The following GMEB2 variants were observed in gnomAD, a reference collection of about 807,000 sequenced individuals.
GMEB2 encodes glucocorticoid modulatory element-binding protein 2.
In GMEB2, 7 loss-of-function variants were observed where a neutral mutation model predicts 45.7. That is an observed-to-expected ratio of 0.15 (90% confidence interval 0.09 to 0.29). GMEB2 has a LOEUF of 0.29. Among genes scored for constraint, GMEB2 ranks in the 10% least tolerant of loss-of-function variants. The probability of loss-of-function intolerance (pLI) is 1.00; values close to 1 mark genes in which losing one functional copy is unlikely to be tolerated. For missense variants in GMEB2, 582 were observed against 739.2 expected (o/e 0.79, Z 2.47); for synonymous variants, 322 against 323.6 (o/e 1.00, Z 0.05).
chr20:63,602,865 A>G (rs1601016315), intron 4 of GMEB2, 100 bp downstream of exon 4: 2 of 1,054,614 alleles, frequency 1.9e-6, no homozygotes, highest in East Asian at 4.8e-5. Flanking sequence ...CCAGCCCTGG[A>G]GACCCTGCCT....
intron 6 of GMEB2, 103 bp downstream of exon 6, chr20:63,595,507 T>C: frequency 9.2e-7 from 1 of 1,084,184 alleles, no homozygotes; most frequent in Non-Finnish European, 1.3e-6. Context: ...AGTCCTGGCG[T>C]GAGCAAACGC....
chr20:63,613,794 G>A (rs1180945434), intron 2 of GMEB2, among the ~76,000 whole-genome samples: 1 of 152,166 alleles, frequency 6.6e-6, no homozygotes, highest in East Asian at 1.9e-4. Flanking sequence ...TTACAGGTGT[G>A]AGCCACTGCG....
intron 1 of GMEB2, among the ~76,000 whole-genome samples, chr20:63,626,738 G>A (rs1295552144): frequency 1.4e-5 from 2 of 148,002 alleles, no homozygotes; most frequent in South Asian, 2.1e-4. Context: ...ATGGAGGCAG[G>A]AAGCGCCGCC....
intron 5 of GMEB2, among the ~76,000 whole-genome samples, chr20:63,597,394 C>T (rs6089933): frequency 0.083 from 12,679 of 151,984 alleles, 696 homozygotes; most frequent in African/African-American, 0.15. Flanking sequence ...AAACTCTTGG[C>T]GTCAAGTGAT....
chr20:63,595,862 G>T, intron 5 of GMEB2, 95 bp from the exon 6 acceptor site: 1 of 1,107,188 alleles, frequency 9.0e-7, no homozygotes, highest in Non-Finnish European at 1.3e-6. Context: ...CCTGCGTGGG[G>T]CAGGCCTAGC....
intron 1 of GMEB2, among the ~76,000 whole-genome samples, chr20:63,623,521 G>A (rs1437260852): frequency 2.0e-5 from 3 of 152,090 alleles, no homozygotes; most frequent in African/African-American, 7.2e-5. Flanking sequence ...ACTTTAGGCC[G>A]GGCGCGGTGG....
chr20:63,606,394 C>T (rs376123388), intron 2 of GMEB2, among the ~76,000 whole-genome samples: 2 of 145,380 alleles, frequency 1.4e-5, no homozygotes, highest in East Asian at 2.1e-4. Flanking sequence ...GTCGCTCAGG[C>T]TGGAGTGCAG....
Position 63,592,284 on chromosome 20 carries a change from A to G in GMEB2, c.830-140T>C. On this transcript the variant is annotated intron_variant, in intron 8 of 9. Coordinates refer to ENST00000370077, the MANE Select transcript of GMEB2 (RefSeq NM_012384.5). This position sits in a 1 kb window ranked among gnomAD's most constrained non-coding sequence, Gnocchi z 8.2. ...GCCTGGGCTCTTCCTAGAGAGTGAG[A>G]ACACCACCACTGAGGCTGCTCCTCA... 1 of 812,314 alleles carries G rather than the reference A, an allele frequency of 1.2e-6. No individual in the cohort carries two copies. The highest frequency in any genetic ancestry group is 1.9e-6 in the Non-Finnish European group (1 of 520,502). The allele number at this position is 812,314 out of a possible 1,614,324, so 50.3% of individuals were successfully genotyped here.
chr20:63,604,924 G>C, intron 2 of GMEB2, 84 bp from the exon 3 acceptor site: 5 of 810,098 alleles, frequency 6.2e-6, no homozygotes, highest in South Asian at 5.4e-5. Flanking sequence ...ACAGCGCTTT[G>C]CTGACCTGTT....
rs1304942735 is a variant in GMEB2 at position 63,592,921 on chromosome 20, A to C, written c.691+90T>G. ...CAAAGACCCTGCCGGCCCCACCTGG[A>C]CTCCTGGAGCCCCTGTGTGGCCCGA... On this transcript the variant is annotated intron_variant, in intron 7 of 9. Transcript: ENST00000370077. This position sits in a 1 kb window ranked among gnomAD's most constrained non-coding sequence, Gnocchi z 8.2. 1.2e-6 allele frequency: 1 copy of C among 852,400 alleles called. No homozygotes were observed. The allele number at this position is 852,400 out of a possible 1,614,324, so 52.8% of individuals were successfully genotyped here. A position where few individuals can be genotyped will look rare whatever the true frequency, so the allele number is the denominator to read the frequency against.
At chr20:63,616,230 G>A (rs1282248841) in intron 2 of GMEB2, among the ~76,000 whole-genome samples, 1 of 152,066 alleles carries the variant, frequency 6.6e-6, no homozygotes, top group African/African-American at 2.4e-5. Context: ...GATCACCTAA[G>A]GTCAGGAGTT....
At chr20:63,605,799 A>T (rs1446411402) in intron 2 of GMEB2, among the ~76,000 whole-genome samples, 1 of 152,104 alleles carries the variant, frequency 6.6e-6, no homozygotes, top group Non-Finnish European at 1.5e-5. Flanking sequence ...TAACCAAAAT[A>T]AAAAAATTAG....
chr20:63,625,096 G>A (rs1213699991), intron 1 of GMEB2, among the ~76,000 whole-genome samples: 1 of 152,190 alleles, frequency 6.6e-6, no homozygotes, highest in African/African-American at 2.4e-5. Context: ...ATGCTCTTTA[G>A]ACACAGAAGA....
intron 6 of GMEB2, among the ~76,000 whole-genome samples, chr20:63,594,260 G>T (rs2146048518): frequency 6.6e-6 from 1 of 152,374 alleles, no homozygotes; most frequent in African/African-American, 2.4e-5. Flanking sequence ...ATCTTCAGAA[G>T]AGCTGAGCCT....
chr20:63,590,260 C>T lies in GMEB2; in HGVS notation c.1422G>A (p.Pro474=), dbSNP rs200453223. 2,373 of 1,612,378 alleles carry T rather than the reference C, an allele frequency of 1.5e-3. 47 individuals carry two copies. In the South Asian group the frequency reaches 0.024, roughly 16 times the overall value. Residue 474 remains proline (P), a synonymous_variant, in exon 10 of 10, where the codon CCG becomes CCA. Coordinates refer to ENST00000370077, the MANE Select transcript of GMEB2 (RefSeq NM_012384.5). The stretch of plus-strand genomic sequence containing the variant: ...GGCCAGGCAACGTGAGCAGCTGTAG[C>T]GGGCTGACCACCTTGAACACCGTGC... The part of the protein sequence containing the change: ...DGSTVFKVVS[P]LQLLTLPGLG...
At position 63,592,881 on chromosome 20, in the gene GMEB2, C is replaced by T. The variant is rs561536736; in HGVS notation, c.691+130G>A. ...AGCGCCCACGACAATGCTGCTGGAA[C>T]CAGGCCTTTCTCCACAAAGACCCTG... On this transcript the variant is annotated intron_variant, in intron 7 of 9. Coordinates refer to ENST00000370077, the MANE Select transcript of GMEB2 (RefSeq NM_012384.5). The surrounding 1 kb of genome is among the most constrained non-coding windows in gnomAD (Gnocchi z 8.2). 11 of 730,452 alleles carry T rather than the reference C, an allele frequency of 1.5e-5. No individual in the cohort carries two copies. The East Asian group carries it at 2.7e-4, about 18-fold the overall frequency. The allele number at this position is 730,452 out of a possible 1,614,324, so 45.2% of individuals were successfully genotyped here.
chr20:63,622,166 T>G lies in GMEB2; in HGVS notation c.-57-2712A>C, dbSNP rs185462531. On this transcript the variant is annotated intron_variant, in intron 1 of 9. Transcript: ENST00000370077. ...GAAAGAAAAGAAAAAAGAAAGAAAA[T>G]AAAATCTTCCAGAACTTTTAAAATC... Among the ~76,000 whole-genome samples, 10 of 152,094 alleles carry G rather than the reference T, an allele frequency of 6.6e-5. No homozygotes were observed. In the East Asian group the frequency reaches 7.7e-4, roughly 12 times the overall value.
chr20:63,605,725 C>T (rs1351403341), intron 2 of GMEB2, among the ~76,000 whole-genome samples: 4 of 151,524 alleles, frequency 2.6e-5, no homozygotes, highest in Admixed American at 6.6e-5. Flanking sequence ...GAGGCTGAGG[C>T]GGGCAGATCA....
At chr20:63,609,847 C>T (rs200202584) in intron 2 of GMEB2, among the ~76,000 whole-genome samples, 9 of 114,700 alleles carry the variant, frequency 7.8e-5, no homozygotes, top group East Asian at 7.5e-4. Flanking sequence ...TAGAAACATG[C>T]CCCTCTGACC....
Sources: gnomAD v4.1 joint callset for allele counts (sites outside exome capture counted in the v4.1 genomes callset) on GRCh38, gnomAD v4.1.1 for gene constraint, Gnocchi (gnomAD v3.1) non-coding constraint, MANE v1.5 for transcripts, NCBI Gene and HGNC (gene_info 2026-07-23, HGNC 2026-07-21) for gene names.